The following MROH1 variants were observed in gnomAD, a reference collection of about 807,000 sequenced individuals.
The protein encoded by MROH1 is maestro heat like repeat family member 1, also known as maestro heat-like repeat-containing protein family member 1.
MROH1 carries 117 observed loss-of-function variants against 116.5 expected under a neutral mutation model. That is an observed-to-expected ratio of 1.00 (90% CI 0.86 to 1.17). The LOEUF (loss-of-function observed/expected upper bound fraction) is 1.17. Among genes scored for constraint, MROH1 ranks in the 50% most tolerant of loss-of-function variants. The pLI is 0.00. For synonymous variants in MROH1, 921 were observed against 583.9 expected, an observed-to-expected ratio of 1.58 and a Z score of -8.32; for missense variants, 1,873 against 1,338.5, an observed-to-expected ratio of 1.40 and a Z score of -6.23.
chr8:144,261,369 G>C lies in MROH1; in HGVS notation c.4840+20G>C. ...TTGCGGGTGAGCACCCCTCCACGGGGCCCCTCCGCTGGGCCCTGCTGACCC... is the reference window on the plus strand; with the variant it reads ...TTGCGGGTGAGCACCCCTCCACGGGCCCCCTCCGCTGGGCCCTGCTGACCC... On this transcript the variant is annotated intron_variant, in intron 43 of 43. Coordinates refer to ENST00000326134, the MANE Select transcript of MROH1 (RefSeq NM_032450.3). 1.4e-6 allele frequency: 1 copy of C among 701,810 alleles called. No individual in the cohort carries two copies. Among genetic ancestry groups the C allele is most frequent in the Admixed American group, 2.0e-5 (1 of 50,176 alleles). The allele number at this position is 701,810 out of a possible 1,614,324, so 43.5% of individuals were successfully genotyped here.
chr8:144,172,427 C>T (rs1313136262), intron 4 of MROH1, among the ~76,000 whole-genome samples: 1 of 150,874 alleles, frequency 6.6e-6, no homozygotes, highest in Non-Finnish European at 1.5e-5. Flanking sequence ...TTTTTTTTCC[C>T]CCGAGAGGGA....
At chr8:144,192,183 C>T (rs932472445) in intron 9 of MROH1, 126 bp from the exon 10 acceptor site, 1 of 800,158 alleles carries the variant, frequency 1.2e-6, no homozygotes, top group African/African-American at 1.7e-5. Context: ...ATTTGAGCCC[C>T]AAGGTGGGGC....
At chr8:144,155,733 A>G (rs945525303) in intron 1 of MROH1, among the ~76,000 whole-genome samples, 1 of 150,192 alleles carries the variant, frequency 6.7e-6, no homozygotes, top group Non-Finnish European at 1.5e-5. Flanking sequence ...TCCTGGGTTC[A>G]AGTGATTCTC....
chr8:144,203,328 G>T (rs1832051219), intron 12 of MROH1, among the ~76,000 whole-genome samples: 1 of 147,148 alleles, frequency 6.8e-6, no homozygotes, highest in Admixed American at 6.7e-5. Flanking sequence ...GAGGGGCTGG[G>T]AGGGGAGCGC....
intron 2 of MROH1, among the ~76,000 whole-genome samples, chr8:144,161,564 A>C (rs1237636398): frequency 6.6e-6 from 1 of 151,866 alleles, no homozygotes; most frequent in South Asian, 2.1e-4. Context: ...CTCATTTCCT[A>C]CCTCTCAGGC....
At chr8:144,228,653 A>G (rs112113559) in intron 14 of MROH1, among the ~76,000 whole-genome samples, 10,756 of 152,222 alleles carry the variant, frequency 0.071, 1,308 homozygotes, top group African/African-American at 0.25. Context: ...TAGAAGAGAC[A>G]GGTTTTCACC....
In MROH1 at chr8:144,201,629, T is replaced by G. The variant is rs1831171693; in HGVS notation, c.1141+1088T>G. On this transcript the variant is annotated intron_variant, in intron 12 of 43. Transcript: ENST00000326134. Reference sequence around the variant, plus strand: ...AGAAGCGGCGCACTGCCCCCTGTACTGAGGTTCACTACCAGTCAGCTGCTG... The same window carrying G: ...AGAAGCGGCGCACTGCCCCCTGTACGGAGGTTCACTACCAGTCAGCTGCTG... Among the ~76,000 whole-genome samples the G allele has an allele frequency of 3.9e-5, 6 of 152,302 alleles. No individual in the cohort carries two copies. The South Asian group carries it at 1.2e-3, about 32-fold the overall frequency.
At chr8:144,234,298 G>A (rs373346090) in intron 14 of MROH1, among the ~76,000 whole-genome samples, 102 of 152,136 alleles carry the variant, frequency 6.7e-4, no homozygotes, top group African/African-American at 2.2e-3. Flanking sequence ...GTGAGCCACC[G>A]CGCCCGGCTG....
chr8:144,193,568 C>T (rs1829140200), intron 10 of MROH1, among the ~76,000 whole-genome samples: 1 of 152,256 alleles, frequency 6.6e-6, no homozygotes, highest in Non-Finnish European at 1.5e-5. Context: ...TTACTGAACC[C>T]AAGACCATAC....
intron 3 of MROH1, among the ~76,000 whole-genome samples, 193 bp from the exon 4 acceptor site, chr8:144,168,102 C>T (rs573575323): frequency 2.0e-4 from 31 of 152,168 alleles, no homozygotes; most frequent in African/African-American, 6.0e-4. Flanking sequence ...AGCCTGTCAC[C>T]GCAGTGCACC....
chr8:144,210,341 G>A (rs1430363147), intron 12 of MROH1, among the ~76,000 whole-genome samples: 1 of 151,938 alleles, frequency 6.6e-6, no homozygotes, highest in African/African-American at 2.4e-5. Context: ...GGGAGGCTGA[G>A]GCAGGAGAAT....
At chr8:144,220,543 G>A (rs988156003) in intron 12 of MROH1, 57 bp from the exon 13 acceptor site, 8 of 1,494,690 alleles carry the variant, frequency 5.4e-6, no homozygotes, top group Non-Finnish European at 7.3e-6. Flanking sequence ...GATGTGGAAT[G>A]GACCTTGAGG....
intron 14 of MROH1, among the ~76,000 whole-genome samples, chr8:144,234,400 T>C (rs1704555354): frequency 1.3e-5 from 2 of 151,828 alleles, no homozygotes; most frequent in African/African-American, 4.8e-5. Context: ...TTTTGTAGTT[T>C]TCATAGTATA....
rs147750698 is a variant in MROH1 at position 144,181,441 on chromosome 8, C to T, written c.562+918C>T. ...GGTTTGGAGCATTTGGACCCACCTG[C>T]TCTGCTCCTGGTGACTTTGGGTTCA... is the stretch of plus-strand genomic sequence containing the variant. On this transcript the variant is annotated intron_variant, in intron 7 of 43. Coordinates refer to ENST00000326134, the MANE Select transcript of MROH1 (RefSeq NM_032450.3). Among the ~76,000 whole-genome samples the T allele has an allele frequency of 7.4e-3, 1,127 of 152,220 alleles. 13 individuals carry two copies. Among genetic ancestry groups the T allele is most frequent in the African/African-American group, 0.025 (1,057 of 41,504 alleles).
rs552070953 is a variant in MROH1 at position 144,192,886 on chromosome 8, G to A, written c.948+485G>A. On this transcript the variant is annotated intron_variant, in intron 10 of 43. Transcript: ENST00000326134. ...AGGTCGGGTGAATGAGGCTGAGAAC[G>A]ACTGAGGGATGCAGGTGCCGGGTCA... 8.1e-5 allele frequency: 26 copies of A among 319,038 alleles called. 1 individual carries two copies. The highest frequency in any genetic ancestry group is 5.1e-4 in the South Asian group (21 of 40,966). The allele number at this position is 319,038 out of a possible 1,614,324, so 19.8% of individuals were successfully genotyped here. A position where few individuals can be genotyped will look rare whatever the true frequency, so the allele number is the denominator to read the frequency against.
chr8:144,255,817 T>C, intron 35 of MROH1, 112 bp downstream of exon 35: 1 of 646,566 alleles, frequency 1.5e-6, no homozygotes, highest in Admixed American at 2.2e-5. Flanking sequence ...AGTGTGGGAG[T>C]GACTTTGCTT....
chr8:144,220,837 G>C (rs573727178), intron 13 of MROH1, among the ~76,000 whole-genome samples, 164 bp downstream of exon 13: 1 of 152,250 alleles, frequency 6.6e-6, no homozygotes, highest in East Asian at 1.9e-4. Context: ...TGTGTGGCTG[G>C]TGCTTTTCCC....
chr8:144,258,981 A>G (rs1844450684), intron 36 of MROH1, 67 bp downstream of exon 36: 2 of 669,944 alleles, frequency 3.0e-6, no homozygotes, highest in South Asian at 1.6e-5. Context: ...AGCCCAGAAC[A>G]TGACAGGATC....
intron 14 of MROH1, among the ~76,000 whole-genome samples, chr8:144,234,505 T>G (rs1342970357): frequency 2.3e-3 from 129 of 55,182 alleles, no homozygotes; most frequent in African/African-American, 0.013. Context: ...TTCGTTTTTT[T>G]TTTTTTTTTT....
Sources: gnomAD v4.1 joint callset for allele counts (sites outside exome capture counted in the v4.1 genomes callset) on GRCh38, gnomAD v4.1.1 for gene constraint, MANE v1.5 for transcripts, NCBI Gene and HGNC (gene_info 2026-07-23, HGNC 2026-07-21) for gene names.